Variants in RALGAPA1 observed in about 807,000 individuals in gnomAD.
The protein encoded by RALGAPA1 is ral GTPase-activating protein subunit alpha-1.
RALGAPA1 carries 52 observed loss-of-function variants against 269.6 expected under a neutral mutation model. That is an observed-to-expected ratio of 0.19 (90% CI 0.15 to 0.24). The LOEUF (loss-of-function observed/expected upper bound fraction) is 0.24. Ranked by LOEUF, RALGAPA1 falls within the 10% of genes least tolerant of loss-of-function variation. The pLI is 1.00. For synonymous variants in RALGAPA1, 817 were observed against 1,008.3 expected (o/e 0.81, Z 3.60); for missense variants, 1,917 against 3,013.9 (o/e 0.64, Z 8.52).
chr14:35,697,026 C>T (rs2066955214), intron 17 of RALGAPA1, among the ~76,000 whole-genome samples: 1 of 152,154 alleles, frequency 6.6e-6, no homozygotes, highest in African/African-American at 2.4e-5. Context: ...TAATTTAGCA[C>T]TATTTTTACA....
At chr14:35,547,812 C>T (rs376786262) in intron 41 of RALGAPA1, among the ~76,000 whole-genome samples, 15 of 151,892 alleles carry the variant, frequency 9.9e-5, no homozygotes, top group South Asian at 6.2e-4. Flanking sequence ...TATCTGAAAG[C>T]GATCTAAATT....
chr14:35,770,206 T>A (rs187264597), intron 4 of RALGAPA1, among the ~76,000 whole-genome samples: 1 of 152,090 alleles, frequency 6.6e-6, no homozygotes, highest in Non-Finnish European at 1.5e-5. Context: ...AGAAAAAGCA[T>A]TTGGCAAACT....
At chr14:35,727,176 T>C (rs1160229545) in intron 13 of RALGAPA1, among the ~76,000 whole-genome samples, 8 of 151,566 alleles carry the variant, frequency 5.3e-5, no homozygotes, top group Non-Finnish European at 1.0e-4. Context: ...TCAAAGCATA[T>C]ACCTAATTTA....
At chr14:35,730,094 C>G (rs2070331389) in intron 12 of RALGAPA1, among the ~76,000 whole-genome samples, 1 of 152,182 alleles carries the variant, frequency 6.6e-6, no homozygotes, top group South Asian at 2.1e-4. Context: ...AATGGAGATC[C>G]TTCTCTCCCG....
At chr14:35,549,706 T>A (rs375805114) in intron 39 of RALGAPA1, among the ~76,000 whole-genome samples, 2 of 152,198 alleles carry the variant, frequency 1.3e-5, no homozygotes, top group South Asian at 4.1e-4. Flanking sequence ...TAAAGATTTA[T>A]TGTGAAAAAT....
In RALGAPA1 at chr14:35,688,981, T is replaced by C. The variant is rs1567009524; in HGVS notation, c.3430A>G (p.Thr1144Ala). 3 of 1,236,816 alleles carry C rather than the reference T, an allele frequency of 2.4e-6. No individual in the cohort carries two copies. Among genetic ancestry groups the C allele is most frequent in the East Asian group, 6.3e-5 (2 of 31,966 alleles). 76.6% of individuals were successfully genotyped at this position (1,236,816 alleles called of 1,614,324 possible). ...THRAKIMKIA[T>A]KKRNSVHVTF... ...ACATGAACACTATTTCGTTTTTTAG[T>C]AGCAATTTTCATGATTTTGGCTCTA... Residue 1144 changes from threonine (T) to alanine (A), a missense_variant, in exon 18 of 42, where the codon ACT (threonine) becomes GCT (alanine). Around this residue, in one of 11 missense-constraint regions of RALGAPA1, gnomAD observed 615 missense variants for 790.0 expected, o/e 0.78. Coordinates refer to ENST00000680220, the MANE Select transcript of RALGAPA1 (RefSeq NM_001346249.2).
chr14:35,793,499 G>A (rs775041236), intron 1 of RALGAPA1, among the ~76,000 whole-genome samples: 5 of 152,172 alleles, frequency 3.3e-5, no homozygotes, highest in Non-Finnish European at 7.4e-5. Context: ...CTCCCAAAGT[G>A]CTGGGATTAC....
At position 35,674,629 on chromosome 14, in the gene RALGAPA1, C is replaced by T; in HGVS notation, c.4705G>A (p.Val1569Ile). 2 of 1,572,506 alleles carry T rather than the reference C, an allele frequency of 1.3e-6. No individual in the cohort carries two copies. The highest frequency in any genetic ancestry group is 1.8e-6 in the Non-Finnish European group (2 of 1,142,816). The change falls in exon 23 of 42, where the codon GTA becomes ATA. Residue 1569 changes from valine (V) to isoleucine (I), a missense_variant. By Grantham distance (29) the Val-to-Ile change is conservative (BLOSUM62 3). Coordinates refer to ENST00000680220, the MANE Select transcript of RALGAPA1 (RefSeq NM_001346249.2). Reference sequence around the variant, plus strand: ...ATGCCTAGCATTCTTCGCCACATTACAGTAGCAACATCAGCATGCCATCCA... The same window carrying T: ...ATGCCTAGCATTCTTCGCCACATTATAGTAGCAACATCAGCATGCCATCCA... ...LTGWHADVAT[V>I]MWRRMLGILG...
At chr14:35,643,519 A>T (rs1237944862) in intron 31 of RALGAPA1, among the ~76,000 whole-genome samples, 1 of 152,180 alleles carries the variant, frequency 6.6e-6, no homozygotes, top group Non-Finnish European at 1.5e-5. Flanking sequence ...ATGATCCAGT[A>T]ATCCTACTGC....
chr14:35,595,537 ACAG>A, intron 37 of RALGAPA1, 94 bp downstream of exon 37: 2 of 1,109,114 alleles, frequency 1.8e-6, no homozygotes, highest in East Asian at 4.7e-5. Flanking sequence ...ACAACCAGAA[ACAG>A]TGCTTGATCA....
intron 13 of RALGAPA1, among the ~76,000 whole-genome samples, chr14:35,727,902 G>C (rs2070116311): frequency 6.6e-6 from 1 of 152,154 alleles, no homozygotes; most frequent in African/African-American, 2.4e-5. Context: ...TGATAAAGCT[G>C]GGAAGCAGGA....
At chr14:35,715,113 TCATA>T (rs982498488) in intron 16 of RALGAPA1, among the ~76,000 whole-genome samples, 3 of 152,176 alleles carry the variant, frequency 2.0e-5, no homozygotes, top group African/African-American at 7.2e-5. Context: ...TTCTATAGAC[TCATA>T]GCTTTAATAA....
chr14:35,581,600 T>A lies in RALGAPA1; in HGVS notation c.7210-8882A>T, dbSNP rs138696923. Among the ~76,000 whole-genome samples, 66 of 152,252 alleles carry A rather than the reference T, an allele frequency of 4.3e-4. 1 individual carries two copies. The East Asian group carries it at 0.011, about 26-fold the overall frequency. The stretch of plus-strand genomic sequence containing the variant: ...AAATAAGACATTTCTCCAAAGAGTA[T>A]ATACAAATAGGCAATAAGCACATGA... On this transcript the variant is annotated intron_variant, in intron 37 of 41. Coordinates refer to ENST00000680220, the MANE Select transcript of RALGAPA1 (RefSeq NM_001346249.2).
Position 35,683,813 on chromosome 14 carries a change from A to G in RALGAPA1, c.4467T>C (p.Ile1489=). ...CATTCCCATGAATAACTTTACCAGTAATAGTTGCAACTTCAGCAGAGAAAG... is the reference window on the plus strand; with the variant it reads ...CATTCCCATGAATAACTTTACCAGTGATAGTTGCAACTTCAGCAGAGAAAG... The part of the protein sequence containing the change: ...QQAFSAEVAT[I]TGSESASPVH... The change falls in exon 21 of 42, where the codon ATT becomes ATC. Residue 1489 remains isoleucine (I), a synonymous_variant. Coordinates refer to ENST00000680220, the MANE Select transcript of RALGAPA1 (RefSeq NM_001346249.2). 6.3e-7 allele frequency: 1 copy of G among 1,591,756 alleles called. No homozygotes were observed. Among genetic ancestry groups the G allele is most frequent in the Non-Finnish European group, 8.6e-7 (1 of 1,164,890 alleles).
chr14:35,779,163 A>C (rs2075264948), intron 1 of RALGAPA1, among the ~76,000 whole-genome samples: 2 of 152,224 alleles, frequency 1.3e-5, no homozygotes, highest in Admixed American at 1.3e-4. Flanking sequence ...AAGCACATAC[A>C]ACTGAAATAA....
chr14:35,673,168 G>T, intron 24 of RALGAPA1, 146 bp from the exon 25 acceptor site: 1 of 929,272 alleles, frequency 1.1e-6, no homozygotes, highest in Non-Finnish European at 1.5e-6. Context: ...TTCAGGATTA[G>T]TGAAATTATC....
rs1428332931 is a variant in RALGAPA1 at position 35,688,538 on chromosome 14, C to T, written c.3873G>A (p.Arg1291=). 1.3e-6 allele frequency: 2 copies of T among 1,536,098 alleles called. No homozygotes were observed. The highest frequency in any genetic ancestry group is 8.7e-7 in the Non-Finnish European group (1 of 1,146,870). The change falls in exon 18 of 42, where the codon AGG becomes AGA. Residue 1291 remains arginine (R), a synonymous_variant. Coordinates refer to ENST00000680220, the MANE Select transcript of RALGAPA1 (RefSeq NM_001346249.2). ...GAGCCTCTGGTGGCATTCTGTTCTG[C>T]CTCTGTGGGGAAACATTTGCCTTCG... ...SKPKANVSPQ[R]QNRMPPEAPL...
chr14:35,693,704 C>T (rs1260159545), intron 17 of RALGAPA1, among the ~76,000 whole-genome samples: 1 of 151,868 alleles, frequency 6.6e-6, no homozygotes, highest in Non-Finnish European at 1.5e-5. Context: ...ACACAAACTG[C>T]TTTTGAACAT....
Position 35,723,178 on chromosome 14 carries a change from C to A in RALGAPA1, c.1953G>T (p.Ser651=). 6.2e-7 allele frequency: 1 copy of A among 1,613,504 alleles called. No homozygotes were observed. The highest frequency in any genetic ancestry group is 8.5e-7 in the Non-Finnish European group (1 of 1,179,582). The part of the protein sequence containing the change: ...LWDDLLSVLS[S]LTYWEELATE... Reference sequence around the variant, plus strand: ...TGGCCAACTCTTCCCAATAGGTCAGCGATGACAATACTGACAGTAAGTCAT... The same window carrying A: ...TGGCCAACTCTTCCCAATAGGTCAGAGATGACAATACTGACAGTAAGTCAT... The change falls in exon 15 of 42, where the codon TCG becomes TCT. Residue 651 remains serine, a synonymous_variant. Coordinates refer to ENST00000680220, the MANE Select transcript of RALGAPA1 (RefSeq NM_001346249.2).
Sources: gnomAD v4.1 joint callset for allele counts (sites outside exome capture counted in the v4.1 genomes callset) on GRCh38, gnomAD v4.1.1 for gene constraint, gnomAD v4.1.1 regional missense constraint, MANE v1.5 for transcripts, NCBI Gene and HGNC (gene_info 2026-07-23, HGNC 2026-07-21) for gene names.